TBX15: variants seen among roughly 807,000 people sequenced by gnomAD.
TBX15 encodes the protein T-box transcription factor 15.
TBX15 carries 18 observed loss-of-function variants against 53.9 expected under a neutral mutation model. The observed-to-expected ratio is 0.33, with a 90% CI of 0.23 to 0.49. TBX15 has a LOEUF of 0.49. TBX15 is among the 20% of genes least tolerant of loss of function. The probability of loss-of-function intolerance (pLI) is 0.98; values close to 1 mark genes in which losing one functional copy is unlikely to be tolerated. For synonymous variants in TBX15, 295 were observed against 278.0 expected (o/e 1.06, Z -0.61); for missense variants, 692 against 749.5 (o/e 0.92, Z 0.90).
chr1:118,955,127 C>A (rs1571203160), intron 1 of TBX15, among the ~76,000 whole-genome samples: 2 of 152,188 alleles, frequency 1.3e-5, no homozygotes, highest in Non-Finnish European at 2.9e-5. Flanking sequence ...TTTGCCTATA[C>A]CTCACCATGG....
intron 1 of TBX15, among the ~76,000 whole-genome samples, chr1:118,971,382 T>G (rs978914025): frequency 6.6e-6 from 1 of 152,212 alleles, no homozygotes; most frequent in Non-Finnish European, 1.5e-5. Flanking sequence ...CAGGATCATC[T>G]TGAAGCCAAG....
chr1:118,897,546 G>C (rs2101493728), intron 7 of TBX15, among the ~76,000 whole-genome samples: 1 of 152,268 alleles, frequency 6.6e-6, no homozygotes, highest in Non-Finnish European at 1.5e-5. Context: ...TCAAATCAAT[G>C]ACACATTTTT....
chr1:118,978,763 T>C (rs919268426), intron 1 of TBX15, among the ~76,000 whole-genome samples: 1 of 152,258 alleles, frequency 6.6e-6, no homozygotes, highest in African/African-American at 2.4e-5. Flanking sequence ...CTTTGCAAGT[T>C]TGTTTATACC....
intron 6 of TBX15, among the ~76,000 whole-genome samples, chr1:118,901,161 A>C (rs1178816063): frequency 6.6e-6 from 1 of 152,202 alleles, no homozygotes; most frequent in East Asian, 1.9e-4. Flanking sequence ...TATGCTAGGT[A>C]ATTTATAAAC....
chr1:118,989,066 T>A (rs1657949802), upstream of TBX15, among the ~76,000 whole-genome samples: 1 of 152,186 alleles, frequency 6.6e-6, no homozygotes, highest in African/African-American at 2.4e-5. Context: ...GCAAATACTC[T>A]CTTTCCCTAC....
At chr1:118,963,912 A>T (rs1234576497) in intron 1 of TBX15, among the ~76,000 whole-genome samples, 1 of 152,210 alleles carries the variant, frequency 6.6e-6, no homozygotes, top group African/African-American at 2.4e-5. Context: ...GCTGACATGC[A>T]GTGAGGACGC....
chr1:118,951,605 A>G (rs1033211164), intron 1 of TBX15, among the ~76,000 whole-genome samples: 2 of 152,192 alleles, frequency 1.3e-5, no homozygotes. Context: ...CTGCAACCAC[A>G]GGTGCCTTTT....
chr1:118,981,073 C>T (rs1443790931), intron 1 of TBX15, among the ~76,000 whole-genome samples: 2 of 152,030 alleles, frequency 1.3e-5, no homozygotes, highest in African/African-American at 2.4e-5. Context: ...CCTCGTGATC[C>T]CCGCCCCCCG....
intron 1 of TBX15, among the ~76,000 whole-genome samples, chr1:118,934,413 G>C (rs1404439260): frequency 6.6e-6 from 1 of 152,138 alleles, no homozygotes; most frequent in East Asian, 1.9e-4. Flanking sequence ...AGGGTTTATA[G>C]TTTCAATCAA....
In TBX15 at chr1:118,914,065, G is replaced by C. The variant is rs61806201; in HGVS notation, c.926+50C>G. 2,948 of 1,584,246 alleles carry C rather than the reference G, an allele frequency of 1.9e-3. 7 individuals are homozygous for C. Among genetic ancestry groups the C allele is most frequent in the Non-Finnish European group, 2.3e-3 (2,710 of 1,153,768 alleles). On this transcript the variant is annotated intron_variant, in intron 6 of 7. Transcript: ENST00000369429. ...CCATCAACCATCAGCAGGATGTGAG[G>C]GAAGTAATGTCACATAGAAAAGAAG...
At chr1:118,911,602 TAA>T (rs1009566341) in intron 6 of TBX15, among the ~76,000 whole-genome samples, 11 of 152,232 alleles carry the variant, frequency 7.2e-5, no homozygotes, top group Admixed American at 4.6e-4. Flanking sequence ...TTCTCAAAGT[TAA>T]AGAGTGGCTC....
At chr1:118,969,128 C>T (rs781061742) in intron 1 of TBX15, among the ~76,000 whole-genome samples, 5 of 152,164 alleles carry the variant, frequency 3.3e-5, no homozygotes, top group Admixed American at 2.6e-4. Flanking sequence ...TCCTTAGCAT[C>T]GTGGACAAAT....
Position 118,885,028 on chromosome 1 carries a change from A to C in TBX15, c.1513T>G (p.Ser505Ala), listed in dbSNP as rs1406523714. ...MFGGSHMQQS[S>A]YNAFSLHNPY... The stretch of plus-strand genomic sequence containing the variant: ...TTGTGAAGGGAGAAGGCATTGTAGG[A>C]GCTCTGCTGCATGTGGCTGCCCCCG... Residue 505 changes from serine to alanine, a missense_variant, in exon 8 of 8, where the codon TCC becomes GCC. By Grantham distance (99) the Ser-to-Ala change is moderately conservative (BLOSUM62 1). Transcript: ENST00000369429. 3 of 1,614,072 alleles carry C rather than the reference A, an allele frequency of 1.9e-6. No homozygotes were observed. The highest frequency in any genetic ancestry group is 1.3e-5 in the African/African-American group (1 of 75,030).
chr1:118,980,009 G>T lies in TBX15; in HGVS notation c.205+7582C>A, dbSNP rs867072695. Among the ~76,000 whole-genome samples, 17 of 152,342 alleles carry T rather than the reference G, an allele frequency of 1.1e-4. No homozygotes were observed. In the Middle Eastern group the frequency reaches 0.01, roughly 92 times the overall value. ...CGAGGGGCCGAGGGCGGGCAGACGC[G>T]GCCACGGCCTAATTCTGACTTCTGA... On this transcript the variant is annotated intron_variant, in intron 1 of 7. Coordinates refer to ENST00000369429, the MANE Select transcript of TBX15 (RefSeq NM_001330677.2).
At chr1:118,977,373 T>A (rs962289072) in intron 1 of TBX15, among the ~76,000 whole-genome samples, 1 of 152,224 alleles carries the variant, frequency 6.6e-6, no homozygotes, top group Non-Finnish European at 1.5e-5. Context: ...ATCGTTGTTC[T>A]TATCGTGTTA....
intron 1 of TBX15, among the ~76,000 whole-genome samples, chr1:118,949,049 C>T (rs573417993): frequency 1.3e-4 from 20 of 152,210 alleles, no homozygotes; most frequent in Admixed American, 3.9e-4. Flanking sequence ...TCAGCTCTAG[C>T]CATTTGAATG....
Position 118,931,783 on chromosome 1 carries a change from A to T in TBX15, c.255T>A (p.Thr85=), listed in dbSNP as rs549991547. 24 of 1,606,094 alleles carry T rather than the reference A, an allele frequency of 1.5e-5. No individual in the cohort carries two copies. The African/African-American group carries it at 2.3e-4, about 15-fold the overall frequency. ...GSDSEVLTER[T]SCSFSTHTDL... is the part of the protein sequence containing the mutation. Reference sequence around the variant, plus strand: ...CAGTGTGAGTACTGAAGGAGCAGGAAGTCCGCTCAGTGAGGACCTCAGAAT... The same window carrying T: ...CAGTGTGAGTACTGAAGGAGCAGGATGTCCGCTCAGTGAGGACCTCAGAAT... The change falls in exon 2 of 8, where the codon ACT becomes ACA. Residue 85 remains threonine (T), a synonymous_variant. Transcript: ENST00000369429.
At chr1:118,919,619 T>C (rs1655357052) in intron 5 of TBX15, among the ~76,000 whole-genome samples, 1 of 152,194 alleles carries the variant, frequency 6.6e-6, no homozygotes, top group Non-Finnish European at 1.5e-5. Context: ...AAGAAACCAG[T>C]GGTAGAGTCA....
At chr1:118,925,747 C>T (rs1300828652) in intron 3 of TBX15, among the ~76,000 whole-genome samples, 3 of 152,182 alleles carry the variant, frequency 2.0e-5, no homozygotes, top group African/African-American at 7.2e-5. Flanking sequence ...TCTCTCTCAG[C>T]CATCTCTCTC....
Sources: allele counts gnomAD v4.1 joint callset (sites outside exome capture counted in the v4.1 genomes callset), GRCh38; gene constraint gnomAD v4.1.1; transcripts MANE v1.5; gene names NCBI Gene and HGNC (gene_info 2026-07-23, HGNC 2026-07-21).